The following AMD1 variants were observed in gnomAD, a reference collection of about 807,000 sequenced individuals.
The protein encoded by AMD1 is adenosylmethionine decarboxylase 1.
In AMD1, 11 loss-of-function variants were observed where a neutral mutation model predicts 40.2. The ratio of observed to expected loss-of-function variants is 0.27; its 90% CI spans 0.17 to 0.45. AMD1 has a LOEUF of 0.45. Ranked by LOEUF, AMD1 falls within the 20% of genes least tolerant of loss-of-function variation. The probability of loss-of-function intolerance (pLI) is 1.00; values close to 1 mark genes in which losing one functional copy is unlikely to be tolerated. For synonymous variants in AMD1, 121 were observed against 130.8 expected (o/e 0.93, Z 0.51); for missense variants, 257 against 410.2 (o/e 0.63, Z 3.23).
At chr6:110,871,180 T>G (rs540125703), upstream of AMD1, among the ~76,000 whole-genome samples, 119 of 152,332 alleles carry the variant, frequency 7.8e-4, no homozygotes, top group Non-Finnish European at 1.3e-3. Context: ...AATTTTGATT[T>G]CAATTGTAAT....
chr6:110,838,734 A>C, the AMD1 span, among the ~76,000 whole-genome samples: 25 of 151,732 alleles, frequency 1.6e-4, no homozygotes, highest in African/African-American at 5.6e-4. Context: ...TGGCAGGTGC[A>C]TGTAATCCGA....
In AMD1 at chr6:110,875,031, GGCGGCA is replaced by G; in HGVS notation, c.-69_-64del. On this transcript the variant is annotated 5_prime_UTR_variant, in exon 1 of 9. Transcript: ENST00000368885. ...CACAGCTGGAACAATCCGCAGCGGC[GGCGGCA>G]GCGGCGGGAGAAGAGGTTTAATTTA... 1 of 1,147,520 alleles carries G rather than the reference GGCGGCA, an allele frequency of 8.7e-7. No individual in the cohort carries two copies. The highest frequency in any genetic ancestry group is 1.3e-6 in the Non-Finnish European group (1 of 783,048). The allele number at this position is 1,147,520 out of a possible 1,614,324, so 71.1% of individuals were successfully genotyped here.
At chr6:110,858,510 T>C in the AMD1 span, 1 of 1,570,380 alleles carries the variant, frequency 6.4e-7, no homozygotes, top group Non-Finnish European at 8.8e-7. Flanking sequence ...CTCTCCAATT[T>C]CATCAAGGCC....
At chr6:110,828,725 A>G in the AMD1 span, among the ~76,000 whole-genome samples, 3 of 152,196 alleles carry the variant, frequency 2.0e-5, no homozygotes, top group Admixed American at 1.3e-4. Context: ...AATTTCTCTT[A>G]CCACAGTCTA....
the AMD1 span, among the ~76,000 whole-genome samples, chr6:110,825,418 CT>C: frequency 6.6e-6 from 1 of 152,324 alleles, no homozygotes; most frequent in Non-Finnish European, 1.5e-5. Context: ...ATTCCATCCT[CT>C]TTGTCTTAAA....
the AMD1 span, among the ~76,000 whole-genome samples, chr6:110,817,856 T>C: frequency 6.6e-6 from 1 of 152,196 alleles, no homozygotes; most frequent in South Asian, 2.1e-4. Flanking sequence ...AATTTTTTTT[T>C]CACTCCAGCC....
the AMD1 span, chr6:110,858,880 G>A: frequency 3.7e-6 from 3 of 809,990 alleles, no homozygotes; most frequent in Non-Finnish European, 4.5e-6. Flanking sequence ...GTACAAACAA[G>A]TGTGCCAGCC....
Position 110,894,511 on chromosome 6 carries a change from A to C in AMD1, c.*895A>C, listed in dbSNP as rs1304154486. Reference sequence around the variant, plus strand: ...AGGGTGTACTGGCTGAACTGTGGAAAACATACAATTCTGTGTTCCTCAGTA... The same window carrying C: ...AGGGTGTACTGGCTGAACTGTGGAACACATACAATTCTGTGTTCCTCAGTA... On this transcript the variant is annotated 3_prime_UTR_variant, in exon 9 of 9. Coordinates refer to ENST00000368885, the MANE Select transcript of AMD1 (RefSeq NM_001634.6). 1 of 152,234 alleles carries C rather than the reference A, an allele frequency of 6.6e-6. No individual in the cohort carries two copies. The highest frequency in any genetic ancestry group is 2.4e-5 in the African/African-American group (1 of 41,468). 9.4% of individuals were successfully genotyped at this position (152,234 alleles called of 1,614,324 possible).
chr6:110,826,088 G>C, the AMD1 span, among the ~76,000 whole-genome samples: 4 of 150,516 alleles, frequency 2.7e-5, no homozygotes, highest in African/African-American at 9.8e-5. Context: ...GATCACTTTA[G>C]CCTAGGAGTT....
the AMD1 span, chr6:110,815,264 G>T: frequency 9.3e-7 from 1 of 1,076,700 alleles, no homozygotes; most frequent in Non-Finnish European, 1.2e-6. Flanking sequence ...CGCGCCGCCC[G>T]CCGCCCGCCG....
the AMD1 span, among the ~76,000 whole-genome samples, chr6:110,817,308 T>G: frequency 2.0e-5 from 3 of 152,224 alleles, no homozygotes; most frequent in East Asian, 5.8e-4. Context: ...GAAAACTTCC[T>G]TAGACCTTGA....
the AMD1 span, among the ~76,000 whole-genome samples, chr6:110,862,568 G>A: frequency 6.6e-6 from 1 of 151,528 alleles, no homozygotes; most frequent in Non-Finnish European, 1.5e-5. Flanking sequence ...CTGGGTTCAA[G>A]CAATTCTTAT....
At chr6:110,860,400 C>A in the AMD1 span, among the ~76,000 whole-genome samples, 1 of 152,088 alleles carries the variant, frequency 6.6e-6, no homozygotes, top group Non-Finnish European at 1.5e-5. Context: ...TTTTATCTTT[C>A]TCAAATAAGA....
intron 6 of AMD1, 30 bp downstream of exon 6, chr6:110,892,473 G>A: frequency 6.2e-7 from 1 of 1,609,850 alleles, no homozygotes; most frequent in Middle Eastern, 2.3e-4. Flanking sequence ...ATTGTTGCTG[G>A]ACTCTTCTGC....
the AMD1 span, among the ~76,000 whole-genome samples, chr6:110,823,177 T>A: frequency 6.6e-6 from 1 of 152,090 alleles, no homozygotes; most frequent in Non-Finnish European, 1.5e-5. Context: ...ATCCAACATC[T>A]CTTTATGATA....
chr6:110,875,490 C>G (rs948688157), intron 1 of AMD1: 3 of 340,390 alleles, frequency 8.8e-6, no homozygotes, highest in Non-Finnish European at 1.6e-5. Context: ...AGGTAACGTC[C>G]CGCGCTGGGC....
chr6:110,839,431 C>G, the AMD1 span, among the ~76,000 whole-genome samples: 1 of 152,092 alleles, frequency 6.6e-6, no homozygotes, highest in African/African-American at 2.4e-5. Flanking sequence ...TCCCCATAAA[C>G]TAAGCATGGT....
At chr6:110,866,837 G>A in the AMD1 span, among the ~76,000 whole-genome samples, 1 of 150,402 alleles carries the variant, frequency 6.6e-6, no homozygotes, top group Non-Finnish European at 1.5e-5. Flanking sequence ...TTTTGAGACA[G>A]AGTTTCACTC....
chr6:110,848,732 C>G, the AMD1 span: 1 of 277,180 alleles, frequency 3.6e-6, no homozygotes, highest in Admixed American at 4.0e-5. Flanking sequence ...TGGTCCCAGG[C>G]CAGGCACAGT....
Sources: allele counts gnomAD v4.1 joint callset (sites outside exome capture counted in the v4.1 genomes callset), GRCh38; gene constraint gnomAD v4.1.1; transcripts MANE v1.5; gene names NCBI Gene and HGNC (gene_info 2026-07-23, HGNC 2026-07-21).